The following KCNJ6 variants were observed in gnomAD, a reference collection of about 807,000 sequenced individuals.
KCNJ6 encodes the protein potassium inwardly rectifying channel subfamily J member 6, also known as G protein-activated inward rectifier potassium channel 2.
A neutral mutation model predicts 34.2 loss-of-function variants in KCNJ6; 9 were observed. The observed-to-expected ratio is 0.26, with a 90% CI of 0.16 to 0.46. The LOEUF (loss-of-function observed/expected upper bound fraction) is 0.46. Ranked by LOEUF, KCNJ6 falls within the 20% of genes least tolerant of loss-of-function variation. The pLI is 1.00. For missense variants in KCNJ6, 236 were observed against 531.3 expected, an observed-to-expected ratio of 0.44 and a Z score of 5.46; for synonymous variants, 196 against 207.1, an observed-to-expected ratio of 0.95 and a Z score of 0.46.
At position 37,853,846 on chromosome 21, in the gene KCNJ6, G is replaced by GTGTGTATATATATATATATA. The variant is rs71198897; in HGVS notation, c.-27-13138_-27-13137insTATATATATATATATACACA. 7.8e-5 allele frequency among the ~76,000 whole-genome samples: 9 copies of GTGTGTATATATATATATATA among 115,956 alleles called. 1 individual carries two copies. Among genetic ancestry groups the GTGTGTATATATATATATATA allele is most frequent in the South Asian group, 5.2e-4 (2 of 3,880 alleles). 76.1% of individuals were successfully genotyped at this position (115,956 alleles called of 152,430 possible). The stretch of plus-strand genomic sequence containing the variant: ...GTAGTTAAGAGATACATATATATAT[G>GTGTGTATATATATATATATA]TATATATATATATATAAATTACATT... On this transcript the variant is annotated intron_variant, in intron 1 of 3. Transcript: ENST00000609713.
intron 2 of KCNJ6, among the ~76,000 whole-genome samples, chr21:37,819,233 T>C (rs1258732682): frequency 1.5e-5 from 2 of 136,594 alleles, no homozygotes; most frequent in Non-Finnish European, 3.3e-5. Flanking sequence ...CTGTTTTGCC[T>C]GAAATGCTCT....
chr21:37,626,617 G>T (rs1378852759), intron 3 of KCNJ6, among the ~76,000 whole-genome samples: 1 of 152,042 alleles, frequency 6.6e-6, no homozygotes, highest in East Asian at 1.9e-4. Context: ...TAAGATATGA[G>T]AAATGACACG....
At chr21:37,801,546 T>C (rs1265266064) in intron 2 of KCNJ6, among the ~76,000 whole-genome samples, 1 of 152,162 alleles carries the variant, frequency 6.6e-6, no homozygotes, top group African/African-American at 2.4e-5. Flanking sequence ...CCACCCTCCT[T>C]GGGTCTCTAC....
At chr21:37,819,644 C>T (rs2055364350) in intron 2 of KCNJ6, among the ~76,000 whole-genome samples, 1 of 152,166 alleles carries the variant, frequency 6.6e-6, no homozygotes, top group Non-Finnish European at 1.5e-5. Flanking sequence ...TCTTTACCTA[C>T]ATTGTTTTGT....
intron 3 of KCNJ6, among the ~76,000 whole-genome samples, chr21:37,659,062 A>G (rs1569439860): frequency 6.6e-6 from 1 of 152,250 alleles, no homozygotes; most frequent in African/African-American, 2.4e-5. Context: ...CCAGCATGGA[A>G]TGCTTTGCTA....
At chr21:37,655,388 C>A (rs192652644) in intron 3 of KCNJ6, among the ~76,000 whole-genome samples, 48 of 152,240 alleles carry the variant, frequency 3.2e-4, no homozygotes, top group Admixed American at 2.9e-3. Flanking sequence ...GTATCATAGG[C>A]AAATCAAAGC....
At chr21:37,665,234 C>T (rs1468558573) in intron 3 of KCNJ6, among the ~76,000 whole-genome samples, 1 of 152,150 alleles carries the variant, frequency 6.6e-6, no homozygotes, top group Non-Finnish European at 1.5e-5. Context: ...GGTTCACTGG[C>T]ACATAGGATG....
At chr21:37,874,550 A>G (rs753926356) in intron 1 of KCNJ6, among the ~76,000 whole-genome samples, 4 of 152,244 alleles carry the variant, frequency 2.6e-5, no homozygotes, top group African/African-American at 7.2e-5. Flanking sequence ...ATCCCAAATT[A>G]TAAGTATTTA....
intron 2 of KCNJ6, among the ~76,000 whole-genome samples, chr21:37,839,297 G>A (rs538980437): frequency 1.3e-5 from 2 of 152,282 alleles, no homozygotes; most frequent in East Asian, 1.9e-4. Context: ...GGGGAGAGGG[G>A]TGTCAGTGCT....
chr21:37,709,700 G>A (rs1243307799), intron 3 of KCNJ6, among the ~76,000 whole-genome samples: 1 of 152,200 alleles, frequency 6.6e-6, no homozygotes, highest in Non-Finnish European at 1.5e-5. Flanking sequence ...CCTTAGCCAA[G>A]TCACGGGTCT....
intron 3 of KCNJ6, among the ~76,000 whole-genome samples, chr21:37,654,351 G>A (rs1412503705): frequency 6.6e-6 from 1 of 151,206 alleles, no homozygotes; most frequent in African/African-American, 2.4e-5. Context: ...CAGCTCTTCT[G>A]CTACTTTCTG....
At chr21:37,909,538 G>A (rs1184514748) in intron 1 of KCNJ6, among the ~76,000 whole-genome samples, 1 of 151,992 alleles carries the variant, frequency 6.6e-6, no homozygotes, top group Non-Finnish European at 1.5e-5. Context: ...GCTGATTTTT[G>A]TATTTTTAGT....
chr21:37,624,846 A>C lies in KCNJ6; in HGVS notation c.*313T>G. ...GACACACCTTTTTGAGTGATCTGGTATTGTACAACACATGCAGGTAAGTAA... is the reference window on the plus strand; with the variant it reads ...GACACACCTTTTTGAGTGATCTGGTCTTGTACAACACATGCAGGTAAGTAA... On this transcript the variant is annotated 3_prime_UTR_variant, in exon 4 of 4. Coordinates refer to ENST00000609713, the MANE Select transcript of KCNJ6 (RefSeq NM_002240.5). 1 of 354,792 alleles carries C rather than the reference A, an allele frequency of 2.8e-6. No individual in the cohort carries two copies. Among genetic ancestry groups the C allele is most frequent in the Non-Finnish European group, 5.1e-6 (1 of 194,324 alleles). 22.0% of individuals were successfully genotyped at this position (354,792 alleles called of 1,614,324 possible). A position where few individuals can be genotyped will look rare whatever the true frequency, so the allele number is the denominator to read the frequency against.
intron 2 of KCNJ6, among the ~76,000 whole-genome samples, chr21:37,744,001 C>T (rs1034281654): frequency 3.3e-5 from 5 of 151,890 alleles, no homozygotes; most frequent in African/African-American, 1.2e-4. Context: ...AAAATTCACT[C>T]TTCCCCAAAT....
chr21:37,815,614 C>G (rs2055343031), intron 2 of KCNJ6, among the ~76,000 whole-genome samples: 2 of 152,176 alleles, frequency 1.3e-5, no homozygotes, highest in Non-Finnish European at 2.9e-5. Flanking sequence ...AAACTTGGTG[C>G]TCCAGGGAGA....
At chr21:37,809,384 G>A (rs2055310144) in intron 2 of KCNJ6, among the ~76,000 whole-genome samples, 1 of 151,708 alleles carries the variant, frequency 6.6e-6, no homozygotes. Flanking sequence ...GTGGGGTGGG[G>A]AGAGGGGGGA....
chr21:37,778,260 T>TC (rs1270743420), intron 2 of KCNJ6, among the ~76,000 whole-genome samples: 1 of 152,246 alleles, frequency 6.6e-6, no homozygotes, highest in East Asian at 1.9e-4. Flanking sequence ...AAGGATCTCT[T>TC]CCCCAACCCG....
chr21:37,913,500 C>A (rs1162784257), intron 1 of KCNJ6, among the ~76,000 whole-genome samples: 1 of 152,174 alleles, frequency 6.6e-6, no homozygotes, highest in Non-Finnish European at 1.5e-5. Context: ...ATATCTCCAC[C>A]CTCTTCAGTC....
chr21:37,815,770 G>A (rs1047980289), intron 2 of KCNJ6, among the ~76,000 whole-genome samples: 5 of 152,208 alleles, frequency 3.3e-5, no homozygotes, highest in African/African-American at 1.2e-4. Context: ...TTCTACAGCT[G>A]TTTCCCTTTG....
Sources: allele counts gnomAD v4.1 joint callset (sites outside exome capture counted in the v4.1 genomes callset), GRCh38; gene constraint gnomAD v4.1.1; transcripts MANE v1.5; gene names NCBI Gene and HGNC (gene_info 2026-07-23, HGNC 2026-07-21).